The following NLRC3 variants were observed in gnomAD, a reference collection of about 807,000 sequenced individuals.
NLRC3 encodes the protein NLR family CARD domain containing 3.
A neutral mutation model predicts 91.6 loss-of-function variants in NLRC3; 87 were observed. The ratio of observed to expected loss-of-function variants is 0.95; its 90% CI spans 0.80 to 1.14. The LOEUF (loss-of-function observed/expected upper bound fraction) is 1.14, where lower values mean the gene tolerates loss of function less well. Among genes scored for constraint, NLRC3 ranks in the 50% most tolerant of loss-of-function variants. The probability of loss-of-function intolerance (pLI) is 0.00; values close to 1 mark genes in which losing one functional copy is unlikely to be tolerated. For missense variants in NLRC3, 1,577 were observed against 1,418.6 expected (o/e 1.11, Z -1.79); for synonymous variants, 694 against 625.3 (o/e 1.11, Z -1.64).
chr16:3,572,514 C>T (rs1432001949), intron 1 of NLRC3, among the ~76,000 whole-genome samples: 1 of 152,136 alleles, frequency 6.6e-6, no homozygotes, highest in Non-Finnish European at 1.5e-5. Context: ...TCTCCAACTT[C>T]TGGGGTCAAG....
chr16:3,549,604 A>G (rs2038888342), intron 12 of NLRC3, 93 bp downstream of exon 12: 1 of 988,654 alleles, frequency 1.0e-6, no homozygotes, highest in Admixed American at 2.1e-5. Context: ...CCAGCCATAG[A>G]TTTCCCTGAG....
At chr16:3,556,681 T>G (rs2039352430) in intron 8 of NLRC3, among the ~76,000 whole-genome samples, 1 of 152,176 alleles carries the variant, frequency 6.6e-6, no homozygotes, top group Non-Finnish European at 1.5e-5. Flanking sequence ...TTTTTGTTTT[T>G]TAGTAGAGAT....
intron 1 of NLRC3, among the ~76,000 whole-genome samples, chr16:3,570,554 G>A (rs2040063850): frequency 6.6e-6 from 1 of 152,184 alleles, no homozygotes; most frequent in Admixed American, 6.6e-5. Context: ...TAAACTGTGA[G>A]TGACAAAGAA....
At chr16:3,549,824 C>A in intron 11 of NLRC3, 44 bp from the exon 12 acceptor site, 1 of 1,418,002 alleles carries the variant, frequency 7.1e-7, no homozygotes. Flanking sequence ...TCCCAGGACC[C>A]AGAGGGAGCT....
Position 3,563,578 on chromosome 16 carries a change from G to A in NLRC3, c.1359C>T (p.Phe453=). ...ETLASSVAYC[F]THLSLQEFVA... is the part of the protein sequence containing the mutation. Reference sequence around the variant, plus strand: ...CAAACTCCTGCAGGGACAGGTGGGTGAAGCAGTAGGCCACTGACGATGCCA... The same window carrying A: ...CAAACTCCTGCAGGGACAGGTGGGTAAAGCAGTAGGCCACTGACGATGCCA... Residue 453 remains phenylalanine (F), a synonymous_variant, in exon 5 of 20, where the codon TTC becomes TTT. Transcript: ENST00000359128. 1 of 1,612,682 alleles carries A rather than the reference G, an allele frequency of 6.2e-7. No homozygotes were observed.
chr16:3,562,848 T>C (rs1443522993), intron 5 of NLRC3, 161 bp downstream of exon 5: 4 of 742,160 alleles, frequency 5.4e-6, no homozygotes, highest in Non-Finnish European at 9.5e-6. Context: ...CCTCCAGAAC[T>C]GCGAGAAAAC....
rs1239329626 is a variant in NLRC3 at position 3,554,266 on chromosome 16, G to C, written c.2243C>G (p.Ser748Cys). The part of the protein sequence containing the change: ...GARSMAEALA[S>C]NRTLSMLHLQ... Reference sequence around the variant, plus strand: ...CTGCAGCATGGAGAGGGTCCGGTTGGAGGCCAAGGCCTCAGCCATGGACCT... The same window carrying C: ...CTGCAGCATGGAGAGGGTCCGGTTGCAGGCCAAGGCCTCAGCCATGGACCT... Residue 748 changes from serine to cysteine, a missense_variant, in exon 9 of 20, where the codon TCC becomes TGC. By Grantham distance (112) the Ser-to-Cys change is moderately radical (BLOSUM62 -1). Coordinates refer to ENST00000359128, the MANE Select transcript of NLRC3 (RefSeq NM_178844.4). 6.2e-7 allele frequency: 1 copy of C among 1,613,648 alleles called. No homozygotes were observed. Among genetic ancestry groups the C allele is most frequent in the East Asian group, 2.2e-5 (1 of 44,868 alleles).
At chr16:3,557,730 C>G in intron 6 of NLRC3, 54 bp from the exon 7 acceptor site, 1 of 1,125,414 alleles carries the variant, frequency 8.9e-7, no homozygotes, top group Non-Finnish European at 1.3e-6. Flanking sequence ...ATCTCATGGC[C>G]TCTTCCTCAA....
chr16:3,576,956 C>A (rs1239688943), intron 1 of NLRC3, among the ~76,000 whole-genome samples, 193 bp downstream of exon 1: 1 of 152,222 alleles, frequency 6.6e-6, no homozygotes, highest in Non-Finnish European at 1.5e-5. Context: ...AGGCGTGAGC[C>A]ACCGTGCCTG....
At position 3,564,737 on chromosome 16, in the gene NLRC3, C is replaced by A. The variant is rs539597311; in HGVS notation, c.200G>T (p.Arg67Leu). 3 of 1,586,576 alleles carry A rather than the reference C, an allele frequency of 1.9e-6. No individual in the cohort carries two copies. Among genetic ancestry groups the A allele is most frequent in the Middle Eastern group, 1.7e-4 (1 of 5,996 alleles). The change falls in exon 5 of 20, where the codon CGC becomes CTC. Residue 67 changes from arginine to leucine, a missense_variant. Physicochemically the swap from Arg to Leu is moderately radical, Grantham distance 102. Coordinates refer to ENST00000359128, the MANE Select transcript of NLRC3 (RefSeq NM_178844.4). The surrounding 1 kb of genome is among the most constrained non-coding windows in gnomAD (Gnocchi z 5.9). ...TCCCACCTTGCTCAGCAGGGCCTTG[C>A]GGTGCCTCTGTATCCTTGAGTCTGC... ...CSNDSRIQRH[R>L]KALLSKVGGG...
intron 5 of NLRC3, among the ~76,000 whole-genome samples, chr16:3,562,009 G>T (rs1458778431): frequency 6.6e-6 from 1 of 152,174 alleles, no homozygotes; most frequent in Non-Finnish European, 1.5e-5. Context: ...TCTTCCACGG[G>T]CTGTCGTCCT....
chr16:3,563,002 T>C lies in NLRC3; in HGVS notation c.1928+7A>G. On this transcript the variant is annotated splice_region_variant and intron_variant, in intron 5 of 19. Transcript: ENST00000359128. ...CCCCAGCCCCTGCCCCCTGCCCTGG[T>C]ATCCACCTGAGCTTCCGGCAGTAGA... is the stretch of plus-strand genomic sequence containing the variant. 1.3e-6 allele frequency: 2 copies of C among 1,550,026 alleles called. No homozygotes were observed. Among genetic ancestry groups the C allele is most frequent in the Middle Eastern group, 1.7e-4 (1 of 5,868 alleles).
At chr16:3,556,630 G>A (rs1448527273) in intron 8 of NLRC3, among the ~76,000 whole-genome samples, 2 of 152,022 alleles carry the variant, frequency 1.3e-5, no homozygotes, top group Admixed American at 1.3e-4. Context: ...TTAGCCTCCC[G>A]AGTTGCTGGG....
chr16:3,542,686 A>C lies in NLRC3; in HGVS notation c.3023+6T>G. Reference sequence around the variant, plus strand: ...AGGATGCAGGTAGGTCCCTCCAGCCACTTACTTGAGTCTCCGGAGACTTGA... The same window carrying C: ...AGGATGCAGGTAGGTCCCTCCAGCCCCTTACTTGAGTCTCCGGAGACTTGA... On this transcript the variant is annotated splice_donor_region_variant and intron_variant, in intron 18 of 19. Coordinates refer to ENST00000359128, the MANE Select transcript of NLRC3 (RefSeq NM_178844.4). 2 of 1,597,784 alleles carry C rather than the reference A, an allele frequency of 1.3e-6. No individual in the cohort carries two copies. The highest frequency in any genetic ancestry group is 1.7e-6 in the Non-Finnish European group (2 of 1,167,652).
rs765805050 is a variant in NLRC3, at chr16:3,563,679, T to C, written c.1258A>G (p.Met420Val). Residue 420 changes from methionine to valine, a missense_variant, in exon 5 of 20, where the codon ATG becomes GTG. By Grantham distance (21) the Met-to-Val change is conservative. Coordinates refer to ENST00000359128, the MANE Select transcript of NLRC3 (RefSeq NM_178844.4). ...GCGAGGTCTACACCAAACGCCTTCA[T>C]GTCTTGCTCGTAAAACACGTATTTC... ...KKKYVFYEQD[M>V]KAFGVDLALL... The C allele has an allele frequency of 1.3e-5, 21 of 1,613,694 alleles. No individual in the cohort carries two copies. Among genetic ancestry groups the C allele is most frequent in the South Asian group, 1.1e-4 (10 of 91,080 alleles).
In NLRC3 at chr16:3,563,249, C is replaced by A; in HGVS notation, c.1688G>T (p.Arg563Leu). ...CLRPDAAVCA[R>L]AINVLHCLHE... ...CAGGCAGTGCAACACGTTGATGGCC[C>A]GTGCACAGACTGCGGCATCGGGGCG... Residue 563 changes from arginine to leucine, a missense_variant, in exon 5 of 20, where the codon CGG (arginine) becomes CTG (leucine). Arg to Leu is a moderately radical substitution (Grantham distance 102). Coordinates refer to ENST00000359128, the MANE Select transcript of NLRC3 (RefSeq NM_178844.4). 3.1e-6 allele frequency: 5 copies of A among 1,606,032 alleles called. No individual in the cohort carries two copies. Among genetic ancestry groups the A allele is most frequent in the East Asian group, 2.2e-5 (1 of 44,690 alleles).
rs1198437772 is a variant in NLRC3, at chr16:3,569,388, ATATATAT to A, written c.-168-2071_-168-2065del. Reference sequence around the variant, plus strand: ...CTGAAAACCATATATATATATATATATATATATTATTTTTTTTTTTTTTTTTTTTTTT... The same window carrying A: ...CTGAAAACCATATATATATATATATATATTTTTTTTTTTTTTTTTTTTTTT... On this transcript the variant is annotated intron_variant, in intron 1 of 19. Coordinates refer to ENST00000359128, the MANE Select transcript of NLRC3 (RefSeq NM_178844.4). 2.8e-3 allele frequency among the ~76,000 whole-genome samples: 287 copies of A among 104,076 alleles called. 5 individuals carry two copies. The highest frequency in any genetic ancestry group is 6.7e-3 in the South Asian group (23 of 3,422). 68.3% of individuals were successfully genotyped at this position (104,076 alleles called of 152,430 possible). A position where few individuals can be genotyped will look rare whatever the true frequency, so the allele number is the denominator to read the frequency against.
chr16:3,550,641 G>T, intron 10 of NLRC3, 144 bp from the exon 11 acceptor site: 2 of 629,930 alleles, frequency 3.2e-6, no homozygotes, highest in Non-Finnish European at 2.9e-6. Flanking sequence ...TTCTGCCTGA[G>T]GCCTGTTGGC....
chr16:3,543,293 T>C, intron 17 of NLRC3, 132 bp downstream of exon 17: 1 of 697,160 alleles, frequency 1.4e-6, no homozygotes, highest in Non-Finnish European at 2.5e-6. Flanking sequence ...GGGAAACTGG[T>C]ATACTTGCAC....
Sources: allele counts gnomAD v4.1 joint callset (sites outside exome capture counted in the v4.1 genomes callset), GRCh38; gene constraint gnomAD v4.1.1; non-coding constraint Gnocchi (gnomAD v3.1); transcripts MANE v1.5; gene names NCBI Gene and HGNC (gene_info 2026-07-23, HGNC 2026-07-21).